The following PLEKHG5 variants were observed in gnomAD, a reference collection of about 807,000 sequenced individuals.
PLEKHG5 encodes the protein pleckstrin homology and RhoGEF domain containing G5.
PLEKHG5 carries 52 observed loss-of-function variants against 103.8 expected under a neutral mutation model. The ratio of observed to expected loss-of-function variants is 0.50; its 90% CI spans 0.40 to 0.63. The LOEUF is 0.63. PLEKHG5 is among the 30% of genes least tolerant of loss of function. The pLI, the probability that PLEKHG5 is intolerant of heterozygous loss-of-function variation, is 0.00. For synonymous variants in PLEKHG5, 592 were observed against 575.5 expected (o/e 1.03, Z -0.41); for missense variants, 1,205 against 1,347.6 (o/e 0.89, Z 1.66).
At chr1:6,518,559 CA>C (rs772093142) in intron 1 of PLEKHG5, among the ~76,000 whole-genome samples, 15,408 of 67,972 alleles carry the variant, frequency 0.23, 979 homozygotes, top group East Asian at 0.26. Context: ...AACTCCATCC[CA>C]AAAAAAAAAA....
In PLEKHG5 at chr1:6,468,516, C is replaced by G; in HGVS notation, c.2320G>C (p.Glu774Gln). 1 of 1,612,908 alleles carries G rather than the reference C, an allele frequency of 6.2e-7. No homozygotes were observed. The change falls in exon 20 of 21, where the codon GAG becomes CAG. Residue 774 changes from glutamate (E) to glutamine (Q), a missense_variant. Coordinates refer to ENST00000377728, the MANE Select transcript of PLEKHG5 (RefSeq NM_020631.6). ...GAGCTGAAAGGACCGCTGTCGAACTCGGGGGAGGACAGCGTGTCCCCAGGC... is the reference window on the plus strand; with the variant it reads ...GAGCTGAAAGGACCGCTGTCGAACTGGGGGGAGGACAGCGTGTCCCCAGGC... The part of the protein sequence containing the change: ...VEPGDTLSSP[E>Q]FDSGPFSSQS...
upstream of PLEKHG5, among the ~76,000 whole-genome samples, chr1:6,491,963 G>A (rs1645156894): frequency 6.6e-6 from 1 of 152,238 alleles, no homozygotes; most frequent in Admixed American, 6.5e-5. The surrounding 1 kb of genome is among the most constrained non-coding windows in gnomAD (Gnocchi z 4.1). Flanking sequence ...GCCTTTGGGA[G>A]CTGTGCAGAA....
chr1:6,485,705 C>T, intron 1 of PLEKHG5: 1 of 335,826 alleles, frequency 3.0e-6, no homozygotes, highest in Non-Finnish European at 4.8e-6. Context: ...CCCCCGCCTC[C>T]CCGCCTCTGC....
upstream of PLEKHG5, among the ~76,000 whole-genome samples, chr1:6,499,824 G>A (rs1170598037): frequency 1.3e-5 from 2 of 152,058 alleles, no homozygotes; most frequent in Non-Finnish European, 2.9e-5. Context: ...TTTTGAGACA[G>A]GGTCTTGCTC....
chr1:6,485,750 C>T, intron 1 of PLEKHG5: 2 of 462,812 alleles, frequency 4.3e-6, no homozygotes, highest in Non-Finnish European at 5.8e-6. Flanking sequence ...TACCTCTGCC[C>T]GGCCGGGGGA....
intron 7 of PLEKHG5, 110 bp downstream of exon 7, chr1:6,473,903 C>T: frequency 6.4e-6 from 7 of 1,101,462 alleles, no homozygotes; most frequent in Non-Finnish European, 9.1e-6. Context: ...ACAATTAAAA[C>T]CCCAAGATGG....
intron 9 of PLEKHG5, 132 bp downstream of exon 9, chr1:6,472,852 CAG>C (rs1644635278): frequency 2.3e-6 from 2 of 862,716 alleles, no homozygotes; most frequent in East Asian, 5.3e-5. Flanking sequence ...CATCTAGCCT[CAG>C]TGTCTCCAAA....
At chr1:6,485,182 C>T in intron 1 of PLEKHG5, 1 of 535,356 alleles carries the variant, frequency 1.9e-6, no homozygotes, top group Non-Finnish European at 2.9e-6. Context: ...GGGGCTCGGC[C>T]GCCATGGGCC....
intron 1 of PLEKHG5, chr1:6,485,578 A>G: frequency 2.6e-6 from 2 of 757,908 alleles, no homozygotes. Context: ...AACAGCCCCC[A>G]GCCCCCCAGG....
chr1:6,512,565 C>A (rs778132672), intron 1 of PLEKHG5, among the ~76,000 whole-genome samples: 5 of 152,228 alleles, frequency 3.3e-5, no homozygotes, highest in Non-Finnish European at 5.9e-5. Flanking sequence ...CCATCATCAC[C>A]CACCCAACCA....
At chr1:6,496,930 C>T, upstream of PLEKHG5, 1 of 1,493,202 alleles carries the variant, frequency 6.7e-7, no homozygotes, top group Non-Finnish European at 8.9e-7. Flanking sequence ...GGAAGGGGCT[C>T]CAAGATCCCA....
intron 7 of PLEKHG5, 37 bp downstream of exon 7, chr1:6,473,976 T>TGCCCC: frequency 7.9e-7 from 1 of 1,265,560 alleles, no homozygotes; most frequent in East Asian, 2.7e-5. Flanking sequence ...CTGGGCCCCT[T>TGCCCC]CCCACCCCCT....
chr1:6,473,003 G>T lies in PLEKHG5; in HGVS notation c.967C>A (p.Leu323Ile), dbSNP rs1275790736. ...GCACTCACCTCATGCCCATCAATGA[G>T]CTCCCGCCAGCTGTCCTCCAGCCTC... ...CLRLEDSWRE[L>I]IDGHEKLTRR... Residue 323 changes from leucine (L) to isoleucine (I), a missense_variant, in exon 9 of 21, where the codon CTC (leucine) becomes ATC (isoleucine). Transcript: ENST00000377728. 6.2e-7 allele frequency: 1 copy of T among 1,613,982 alleles called. No homozygotes were observed. The highest frequency in any genetic ancestry group is 8.5e-7 in the Non-Finnish European group (1 of 1,179,948).
Position 6,477,517 on chromosome 1 carries a change from G to A in PLEKHG5, c.43+12C>T, listed in dbSNP as rs770333566. 2.6e-5 allele frequency: 42 copies of A among 1,609,930 alleles called. No individual in the cohort carries two copies. Among genetic ancestry groups the A allele is most frequent in the East Asian group, 4.5e-5 (2 of 44,888 alleles). On this transcript the variant is annotated intron_variant, in intron 2 of 20. Coordinates refer to ENST00000377728, the MANE Select transcript of PLEKHG5 (RefSeq NM_020631.6). ...CTCTGGGGGCCGAGCTGCGGCTCCCGCCTGTGCTCACCTTGTGGGGGAAGG... is the reference window on the plus strand; with the variant it reads ...CTCTGGGGGCCGAGCTGCGGCTCCCACCTGTGCTCACCTTGTGGGGGAAGG...
chr1:6,514,879 C>T (rs1375733282), intron 1 of PLEKHG5, among the ~76,000 whole-genome samples: 1 of 151,258 alleles, frequency 6.6e-6, no homozygotes, highest in Admixed American at 6.6e-5. Context: ...ACCAGCCTGG[C>T]CAACATAGTG....
intron 1 of PLEKHG5, among the ~76,000 whole-genome samples, chr1:6,513,833 A>T (rs1211063958): frequency 6.6e-6 from 1 of 152,150 alleles, no homozygotes; most frequent in Non-Finnish European, 1.5e-5. Context: ...GCCTTGTCTG[A>T]CTGTTGGCCC....
At chr1:6,496,584 C>A (rs1403152733), upstream of PLEKHG5, 2 of 1,531,628 alleles carry the variant, frequency 1.3e-6, no homozygotes, top group Non-Finnish European at 1.8e-6. Context: ...AGGGGAGGAG[C>A]AGAGGGCATC....
chr1:6,497,346 G>A (rs1450516513), upstream of PLEKHG5: 2 of 1,038,186 alleles, frequency 1.9e-6, no homozygotes, highest in Non-Finnish European at 1.2e-6. The surrounding 1 kb of genome is among the most constrained non-coding windows in gnomAD (Gnocchi z 6.1). Context: ...GTGCCGCGCG[G>A]GGGGCGGGCG....
chr1:6,470,231 A>C lies in PLEKHG5; in HGVS notation c.1800+5T>G. Reference sequence around the variant, plus strand: ...GGCACAGGGGTGGGGTGGCCCTGGAATCACCTTGCTGTCCTTCCCCTCCTT... The same window carrying C: ...GGCACAGGGGTGGGGTGGCCCTGGACTCACCTTGCTGTCCTTCCCCTCCTT... On this transcript the variant is annotated splice_donor_5th_base_variant and intron_variant, in intron 16 of 20. Coordinates refer to ENST00000377728, the MANE Select transcript of PLEKHG5 (RefSeq NM_020631.6). The C allele has an allele frequency of 6.2e-7, 1 of 1,613,794 alleles. No individual in the cohort carries two copies. Among genetic ancestry groups the C allele is most frequent in the Non-Finnish European group, 8.5e-7 (1 of 1,179,908 alleles).
Sources: gnomAD v4.1 joint callset for allele counts (sites outside exome capture counted in the v4.1 genomes callset) on GRCh38, gnomAD v4.1.1 for gene constraint, Gnocchi (gnomAD v3.1) non-coding constraint, MANE v1.5 for transcripts, NCBI Gene and HGNC (gene_info 2026-07-23, HGNC 2026-07-21) for gene names.